RELCH: variants seen among roughly 807,000 people sequenced by gnomAD.
The protein encoded by RELCH is RAB11 binding and LisH domain, coiled-coil and HEAT repeat containing, also known as RAB11-binding protein RELCH.
Under a neutral mutation model 150.3 loss-of-function variants are expected in RELCH, and 41 were observed. That is an observed-to-expected ratio of 0.27 (90% CI 0.21 to 0.35). The LOEUF is 0.35. RELCH is among the 10% of genes least tolerant of loss of function. The probability of loss-of-function intolerance (pLI) is 1.00; values close to 1 mark genes in which losing one functional copy is unlikely to be tolerated. For synonymous variants in RELCH, 478 were observed against 531.8 expected, an observed-to-expected ratio of 0.90 and a Z score of 1.39; for missense variants, 1,092 against 1,467.8, an observed-to-expected ratio of 0.74 and a Z score of 4.18.
chr18:62,199,211 A>C (rs1050676143), intron 1 of RELCH, among the ~76,000 whole-genome samples: 9 of 148,302 alleles, frequency 6.1e-5, no homozygotes, highest in Non-Finnish European at 1.3e-4. Flanking sequence ...CTTTCCCTAA[A>C]GTTTCTCCAG....
chr18:62,214,061 C>G (rs1299331203), intron 2 of RELCH, among the ~76,000 whole-genome samples: 1 of 151,444 alleles, frequency 6.6e-6, no homozygotes, highest in Non-Finnish European at 1.5e-5. Flanking sequence ...AGACAGCAGA[C>G]CTTACATTTT....
At position 62,247,419 on chromosome 18, in the gene RELCH, C is replaced by T. The variant is rs1317794666; in HGVS notation, c.1733+2543C>T. On this transcript the variant is annotated intron_variant, in intron 11 of 28. Coordinates refer to ENST00000644646, the MANE Select transcript of RELCH (RefSeq NM_001346231.2). ...TGTAGGCTTAGAGGAAAAAGATTGT[C>T]TGGAATAAGGAGAGCTAGCAGAATG... The T allele has an allele frequency of 4.0e-5, 6 of 151,768 alleles. No individual in the cohort carries two copies. The East Asian group carries it at 9.7e-4, about 24-fold the overall frequency. The allele number at this position is 151,768 out of a possible 1,614,324, so 9.4% of individuals were successfully genotyped here.
At position 62,310,143 on chromosome 18, in the gene RELCH, T is replaced by G. The variant is rs2045967286; in HGVS notation, c.*4609T>G. ...TTCATAGATGCTTTATCTTCATTTCTGATCATTACTTGACAGTTCTTTAAA... is the reference window on the plus strand; with the variant it reads ...TTCATAGATGCTTTATCTTCATTTCGGATCATTACTTGACAGTTCTTTAAA... On this transcript the variant is annotated 3_prime_UTR_variant, in exon 29 of 29. Coordinates refer to ENST00000644646, the MANE Select transcript of RELCH (RefSeq NM_001346231.2). The G allele has an allele frequency of 6.6e-6, 1 of 152,236 alleles. No homozygotes were observed. The allele number at this position is 152,236 out of a possible 1,614,324, so 9.4% of individuals were successfully genotyped here. A position where few individuals can be genotyped will look rare whatever the true frequency, so the allele number is the denominator to read the frequency against.
chr18:62,239,459 C>T (rs895988118), intron 10 of RELCH, among the ~76,000 whole-genome samples: 8 of 151,674 alleles, frequency 5.3e-5, no homozygotes, highest in Non-Finnish European at 7.4e-5. Context: ...TATCTACAGA[C>T]CAACAAAGGC....
At chr18:62,220,739 A>G (rs1466621817) in intron 2 of RELCH, 1 of 336,750 alleles carries the variant, frequency 3.0e-6, no homozygotes, top group Admixed American at 4.9e-5. Flanking sequence ...ATTTTTATTT[A>G]TCTAAATGAG....
At chr18:62,216,817 C>T (rs2040503280) in intron 2 of RELCH, among the ~76,000 whole-genome samples, 1 of 150,824 alleles carries the variant, frequency 6.6e-6, no homozygotes, top group Non-Finnish European at 1.5e-5. Flanking sequence ...CATCCATATC[C>T]AGCTTTATCA....
chr18:62,238,661 A>C (rs1165524526), intron 10 of RELCH, among the ~76,000 whole-genome samples: 1 of 151,896 alleles, frequency 6.6e-6, no homozygotes, highest in Non-Finnish European at 1.5e-5. Flanking sequence ...CTGAGATGGG[A>C]GTGGAAATGA....
At chr18:62,295,848 C>T (rs1226394935) in intron 27 of RELCH, among the ~76,000 whole-genome samples, 2 of 152,224 alleles carry the variant, frequency 1.3e-5, no homozygotes, top group African/African-American at 4.8e-5. Context: ...GCTGGGATTA[C>T]AGGCTTGAGC....
intron 27 of RELCH, among the ~76,000 whole-genome samples, chr18:62,296,679 G>A (rs2045426218): frequency 6.6e-6 from 1 of 152,114 alleles, no homozygotes; most frequent in African/African-American, 2.4e-5. Flanking sequence ...CCTTTATCAG[G>A]TTGAGGAAGT....
chr18:62,239,258 A>G (rs947275657), intron 10 of RELCH, among the ~76,000 whole-genome samples: 1 of 152,056 alleles, frequency 6.6e-6, no homozygotes, highest in Non-Finnish European at 1.5e-5. Context: ...ATAGATATTT[A>G]ATATTAATAA....
In RELCH at chr18:62,252,594, CT is replaced by C. The variant is rs933323324; in HGVS notation, c.1734-64del. ...TCTATGTGAATTTATAGAGATGAGA[CT>C]TTTTTAACCCTTAGTCCTAGTTGTG... On this transcript the variant is annotated intron_variant, in intron 11 of 28. Transcript: ENST00000644646. 5.4e-6 allele frequency: 6 copies of C among 1,117,658 alleles called. No individual in the cohort carries two copies. The African/African-American group carries it at 9.3e-5, about 17-fold the overall frequency. 69.2% of individuals were successfully genotyped at this position (1,117,658 alleles called of 1,614,324 possible).
intron 25 of RELCH, among the ~76,000 whole-genome samples, chr18:62,284,713 G>A (rs760808611): frequency 2.0e-5 from 3 of 152,144 alleles, no homozygotes; most frequent in Non-Finnish European, 4.4e-5. Context: ...GGGTGGTAAC[G>A]TCTCCCTTGG....
At chr18:62,257,298 G>A (rs540786770) in intron 13 of RELCH, among the ~76,000 whole-genome samples, 3 of 151,984 alleles carry the variant, frequency 2.0e-5, no homozygotes, top group African/African-American at 7.2e-5. Context: ...CACAGCAGTG[G>A]GTGTACATTA....
intron 20 of RELCH, among the ~76,000 whole-genome samples, 178 bp from the exon 21 acceptor site, chr18:62,273,802 T>C (rs561730651): frequency 3.9e-5 from 6 of 152,352 alleles, no homozygotes; most frequent in African/African-American, 1.4e-4. Context: ...CAAGATAGTC[T>C]GTCTTCATAC....
At chr18:62,219,325 C>CTTTTTTTTTTTTTTTTTTTTTTTTTTTT (rs202196452) in intron 2 of RELCH, among the ~76,000 whole-genome samples, 2 of 112,880 alleles carry the variant, frequency 1.8e-5, no homozygotes, top group Non-Finnish European at 1.8e-5. Context: ...TTCTTTTTTT[C>CTTTTTTTTTTTTTTTTTTTTTTTTTTTT]TTTTTTTTTT....
In RELCH at chr18:62,187,573, A is replaced by C. The variant is rs769346600; in HGVS notation, c.68A>C (p.Asp23Ala). The change falls in exon 1 of 29, where the codon GAT (aspartate) becomes GCT (alanine). Residue 23 changes from aspartate to alanine, a missense_variant. Physicochemically the swap from Asp to Ala is moderately radical, Grantham distance 126. This residue lies in a region of RELCH where 138 missense variants were observed against 124.8 expected (regional missense o/e 1.11). Transcript: ENST00000644646. ...GGVNPFLSDS[D>A]EDDDEVAATE... is the part of the protein sequence containing the mutation. ...GTGAATCCATTTCTCAGTGATTCGG[A>C]TGAGGACGATGACGAGGTAGCTGCA... The C allele has an allele frequency of 1.3e-6, 2 of 1,522,886 alleles. No homozygotes were observed. Among genetic ancestry groups the C allele is most frequent in the East Asian group, 2.3e-5 (1 of 44,052 alleles). The allele number at this position is 1,522,886 out of a possible 1,614,324, so 94.3% of individuals were successfully genotyped here.
In RELCH at chr18:62,227,411, A is replaced by G; in HGVS notation, c.981A>G (p.Gly327=). 6.2e-7 allele frequency: 1 copy of G among 1,613,230 alleles called. No homozygotes were observed. ...AAGATCTTGTAGATGTGGCCAGTGG[A>G]GTAGAAGAAGATGAATTAGAGGCCC... ...TGKDLVDVAS[G]VEEDELEALT... Residue 327 remains glycine (G), a synonymous_variant, in exon 6 of 29, where the codon GGA becomes GGG. Coordinates refer to ENST00000644646, the MANE Select transcript of RELCH (RefSeq NM_001346231.2).
Position 62,264,074 on chromosome 18 carries a change from A to C in RELCH, c.2436A>C (p.Gln812His). The C allele has an allele frequency of 6.2e-7, 1 of 1,605,878 alleles. No homozygotes were observed. Among genetic ancestry groups the C allele is most frequent in the Non-Finnish European group, 8.5e-7 (1 of 1,176,938 alleles). Residue 812 changes from glutamine (Q) to histidine (H), a missense_variant, in exon 17 of 29, where the codon CAA becomes CAC. Gln to His is a conservative substitution (Grantham distance 24). Transcript: ENST00000644646. ...GSREQLAVLL[Q>H]LYDYQLEQEG... The stretch of plus-strand genomic sequence containing the variant: ...GTGAGCAATTGGCAGTGCTGCTGCA[A>C]CTTTATGACTACCAGCTAGAACAAG...
At position 62,291,615 on chromosome 18, in the gene RELCH, T is replaced by C. The variant is rs779650244; in HGVS notation, c.3443T>C (p.Leu1148Pro). The C allele has an allele frequency of 6.2e-7, 1 of 1,606,812 alleles. No homozygotes were observed. Among genetic ancestry groups the C allele is most frequent in the Non-Finnish European group, 8.5e-7 (1 of 1,175,440 alleles). The change falls in exon 27 of 29, where the codon CTC becomes CCC. Residue 1148 changes from leucine to proline, a missense_variant. Transcript: ENST00000644646. Reference sequence around the variant, plus strand: ...TGTTTACGGACTGACATGGAACATCTCTCTCCAGAGCATGAGGTGAGCCAC... The same window carrying C: ...TGTTTACGGACTGACATGGAACATCCCTCTCCAGAGCATGAGGTGAGCCAC... ...LRCLRTDMEH[L>P]SPEHEVILSS...
Sources: gnomAD v4.1 joint callset for allele counts (sites outside exome capture counted in the v4.1 genomes callset) on GRCh38, gnomAD v4.1.1 for gene constraint, gnomAD v4.1.1 regional missense constraint, MANE v1.5 for transcripts, NCBI Gene and HGNC (gene_info 2026-07-23, HGNC 2026-07-21) for gene names.